ZMIZ1: variants seen among roughly 807,000 people sequenced by gnomAD.
The protein encoded by ZMIZ1 is zinc finger MIZ-type containing 1, also known as zinc finger MIZ domain-containing protein 1.
Under a neutral mutation model 113.9 loss-of-function variants are expected in ZMIZ1, and 17 were observed. The ratio of observed to expected loss-of-function variants is 0.15; its 90% CI spans 0.10 to 0.22. ZMIZ1 has a LOEUF of 0.22. Ranked by LOEUF, ZMIZ1 falls within the 10% of genes least tolerant of loss-of-function variation. The pLI, the probability that ZMIZ1 is intolerant of heterozygous loss-of-function variation, is 1.00. For missense variants in ZMIZ1, 1,059 were observed against 1,477.8 expected, an observed-to-expected ratio of 0.72 and a Z score of 4.65; for synonymous variants, 607 against 603.1, an observed-to-expected ratio of 1.01 and a Z score of -0.09.
rs1844876231 is a variant in ZMIZ1 at position 79,133,815 on chromosome 10, GCTC to G, written c.-226-5863_-226-5861del. Among the ~76,000 whole-genome samples, 4 of 152,254 alleles carry G rather than the reference GCTC, an allele frequency of 2.6e-5. No individual in the cohort carries two copies. In the South Asian group the frequency reaches 8.3e-4, roughly 32 times the overall value. ...TTTTATAAATAAATCATATAAATAG[GCTC>G]CTCTGATTCCTCGGAGCATGCAGTG... On this transcript the variant is annotated intron_variant, in intron 2 of 24. Coordinates refer to ENST00000334512, the MANE Select transcript of ZMIZ1 (RefSeq NM_020338.4).
intron 6 of ZMIZ1, among the ~76,000 whole-genome samples, chr10:79,212,623 G>A (rs1001460533): frequency 6.6e-6 from 1 of 152,104 alleles, no homozygotes; most frequent in Admixed American, 6.5e-5. Context: ...GGACGTGGTG[G>A]CACACGCCTG....
intron 4 of ZMIZ1, among the ~76,000 whole-genome samples, chr10:79,167,519 C>T (rs1846404975): frequency 6.6e-6 from 1 of 152,204 alleles, no homozygotes; most frequent in South Asian, 2.1e-4. Context: ...GCACAGGGCA[C>T]TTGTCCTAAA....
intron 7 of ZMIZ1, among the ~76,000 whole-genome samples, chr10:79,245,390 C>T (rs924799332): frequency 6.6e-6 from 1 of 152,226 alleles, no homozygotes. Context: ...GCAGGGACCA[C>T]GTGTTTCTCA....
intron 7 of ZMIZ1, among the ~76,000 whole-genome samples, chr10:79,260,615 A>G (rs1446253105): frequency 1.3e-5 from 2 of 152,218 alleles, no homozygotes; most frequent in African/African-American, 4.8e-5. Context: ...CTGTTTTTCA[A>G]TGCACGCCTT....
intron 1 of ZMIZ1, among the ~76,000 whole-genome samples, chr10:79,070,146 C>T (rs948540043): frequency 5.0e-5 from 2 of 40,206 alleles, no homozygotes; most frequent in Admixed American, 2.0e-4. Flanking sequence ...GAGCCGGGGT[C>T]GGGGGGGGGA....
intron 3 of ZMIZ1, among the ~76,000 whole-genome samples, chr10:79,146,808 G>A (rs575888253): frequency 1.2e-4 from 18 of 152,334 alleles, no homozygotes; most frequent in Admixed American, 5.9e-4. Context: ...GGCACATCCA[G>A]GAAGCAGAAA....
chr10:79,175,782 G>A (rs1846832931), intron 4 of ZMIZ1, among the ~76,000 whole-genome samples: 2 of 151,906 alleles, frequency 1.3e-5, no homozygotes, highest in Non-Finnish European at 2.9e-5. Flanking sequence ...CCACAGTGTG[G>A]AGCCCACTCC....
At chr10:79,149,606 G>A (rs535571611) in intron 3 of ZMIZ1, among the ~76,000 whole-genome samples, 1 of 152,198 alleles carries the variant, frequency 6.6e-6, no homozygotes, top group Non-Finnish European at 1.5e-5. Flanking sequence ...AAGTCAGGGT[G>A]GGGTGAAGGG....
At chr10:79,152,309 G>A (rs999921172) in intron 3 of ZMIZ1, among the ~76,000 whole-genome samples, 1 of 152,112 alleles carries the variant, frequency 6.6e-6, no homozygotes, top group African/African-American at 2.4e-5. Flanking sequence ...GACCAGCCTG[G>A]GCAACATGGC....
chr10:79,293,233 TG>T, intron 11 of ZMIZ1, 147 bp from the exon 12 acceptor site: 2 of 947,068 alleles, frequency 2.1e-6, no homozygotes, highest in Non-Finnish European at 2.9e-6. Context: ...CCCTGGGGCC[TG>T]GTTGGTCACC....
chr10:79,267,711 C>T (rs985302099), intron 7 of ZMIZ1, among the ~76,000 whole-genome samples: 1 of 152,196 alleles, frequency 6.6e-6, no homozygotes, highest in Non-Finnish European at 1.5e-5. Flanking sequence ...CATATTACTG[C>T]TTTTGGTTTC....
At chr10:79,128,615 C>CA (rs11432190) in intron 2 of ZMIZ1, among the ~76,000 whole-genome samples, 152,267 of 152,270 alleles carry the variant, frequency 1, 76,132 homozygotes, top group Middle Eastern at 1. Flanking sequence ...CCCTGGAACT[C>CA]AATAAATTAG....
At chr10:79,220,085 G>C (rs1201357194) in intron 7 of ZMIZ1, among the ~76,000 whole-genome samples, 1 of 152,198 alleles carries the variant, frequency 6.6e-6, no homozygotes, top group Non-Finnish European at 1.5e-5. Flanking sequence ...CCAAGTCCCA[G>C]ACATGGCACC....
At chr10:79,072,658 G>A (rs1178673669) in intron 1 of ZMIZ1, among the ~76,000 whole-genome samples, 6 of 152,334 alleles carry the variant, frequency 3.9e-5, no homozygotes, top group African/African-American at 1.4e-4. Flanking sequence ...GCACTTGGTC[G>A]TGGGACCAGG....
rs772027532 is a variant in ZMIZ1 at position 79,306,253 on chromosome 10, G to C, written c.2577G>C (p.Met859Ile). Reference protein sequence around the residue: ...SPSQMIMPNVMEMIAALGPGP... With the variant: ...SPSQMIMPNVIEMIAALGPGP... ...GCCAGATGATCATGCCCAATGTCATGGAGATGATCGCAGCCCTGGGCCCCG... is the reference window on the plus strand; with the variant it reads ...GCCAGATGATCATGCCCAATGTCATCGAGATGATCGCAGCCCTGGGCCCCG... The change falls in exon 22 of 25, where the codon ATG (methionine) becomes ATC (isoleucine). Residue 859 changes from methionine to isoleucine, a missense_variant. Physicochemically the swap from Met to Ile is conservative, Grantham distance 10. Transcript: ENST00000334512. 3.1e-6 allele frequency: 5 copies of C among 1,614,128 alleles called. No individual in the cohort carries two copies. The South Asian group carries it at 5.5e-5, about 18-fold the overall frequency.
intron 7 of ZMIZ1, among the ~76,000 whole-genome samples, chr10:79,219,922 C>T (rs1300605408): frequency 2.6e-5 from 4 of 152,140 alleles, no homozygotes; most frequent in Non-Finnish European, 2.9e-5. Flanking sequence ...GGGATCCCAG[C>T]CACCCCCTGC....
chr10:79,260,419 ACT>A lies in ZMIZ1; in HGVS notation c.281-16759_281-16758del, dbSNP rs373358839. On this transcript the variant is annotated intron_variant, in intron 7 of 24. Coordinates refer to ENST00000334512, the MANE Select transcript of ZMIZ1 (RefSeq NM_020338.4). The stretch of plus-strand genomic sequence containing the variant: ...ATTCATAAACGGTCAGGTCAGGGAA[ACT>A]CTGGCTGCATGAGGATGAGGGGGTG... Among the ~76,000 whole-genome samples the A allele has an allele frequency of 8.5e-3, 1,297 of 152,120 alleles. 6 individuals carry two copies. Among genetic ancestry groups the A allele is most frequent in the Non-Finnish European group, 0.014 (933 of 67,996 alleles).
intron 1 of ZMIZ1, among the ~76,000 whole-genome samples, chr10:79,115,369 G>A (rs999784602): frequency 6.6e-6 from 1 of 152,160 alleles, no homozygotes; most frequent in Non-Finnish European, 1.5e-5. Context: ...GCTTGTTTGG[G>A]CCTCTCTGCT....
intron 7 of ZMIZ1, among the ~76,000 whole-genome samples, chr10:79,237,143 G>A (rs1297370966): frequency 6.6e-6 from 1 of 151,044 alleles, no homozygotes; most frequent in Non-Finnish European, 1.5e-5. Context: ...GCAGAACCCT[G>A]GAGGTGCATC....
Sources: allele counts gnomAD v4.1 joint callset (sites outside exome capture counted in the v4.1 genomes callset), GRCh38; gene constraint gnomAD v4.1.1; transcripts MANE v1.5; gene names NCBI Gene and HGNC (gene_info 2026-07-23, HGNC 2026-07-21).